SNX25: variants seen among roughly 807,000 people sequenced by gnomAD.
SNX25 encodes the protein sorting nexin-25.
A neutral mutation model predicts 113.7 loss-of-function variants in SNX25; 62 were observed. The ratio of observed to expected loss-of-function variants is 0.55; its 90% CI spans 0.44 to 0.67. The LOEUF is 0.67. SNX25 is among the 30% of genes least tolerant of loss of function. The probability of loss-of-function intolerance (pLI) is 0.00; values close to 1 mark genes in which losing one functional copy is unlikely to be tolerated. For missense variants in SNX25, 1,014 were observed against 1,161.0 expected (o/e 0.87, Z 1.84); for synonymous variants, 421 against 436.2 (o/e 0.97, Z 0.43).
intron 13 of SNX25, among the ~76,000 whole-genome samples, chr4:185,347,414 A>G (rs181475364): frequency 2.2e-4 from 34 of 151,982 alleles, no homozygotes; most frequent in Admixed American, 9.2e-4. Flanking sequence ...TGGGTGTAGT[A>G]GTATCTCATT....
intron 1 of SNX25, among the ~76,000 whole-genome samples, chr4:185,217,462 C>T (rs1398322947): frequency 6.6e-6 from 1 of 152,096 alleles, no homozygotes; most frequent in African/African-American, 2.4e-5. Context: ...AACCCCAAAC[C>T]AAAGGATCCC....
At chr4:185,228,868 T>C (rs1741402910) in intron 1 of SNX25, among the ~76,000 whole-genome samples, 1 of 152,194 alleles carries the variant, frequency 6.6e-6, no homozygotes, top group Admixed American at 6.5e-5. Context: ...GCTACTGTTA[T>C]CCCCATTGTA....
chr4:185,270,695 C>T (rs1748799703), intron 5 of SNX25, among the ~76,000 whole-genome samples: 2 of 152,226 alleles, frequency 1.3e-5, no homozygotes, highest in Admixed American at 1.3e-4. Context: ...CCTTCCCTCC[C>T]TCCAGCCCTT....
chr4:185,361,794 C>G, intron 16 of SNX25, 130 bp from the exon 17 acceptor site: 1 of 599,246 alleles, frequency 1.7e-6, no homozygotes, highest in Non-Finnish European at 2.6e-6. Context: ...TTTAAAAAAT[C>G]CAATTCCTAG....
At chr4:185,255,517 CCACCG>C (rs1342405393) in intron 2 of SNX25, among the ~76,000 whole-genome samples, 1 of 152,142 alleles carries the variant, frequency 6.6e-6, no homozygotes, top group East Asian at 1.9e-4. Flanking sequence ...CAAGTGTGAG[CCACCG>C]CACCTGGCCT....
Position 185,322,441 on chromosome 4 carries a change from G to A in SNX25, c.1477-1087G>A, listed in dbSNP as rs181031615. Among the ~76,000 whole-genome samples the A allele has an allele frequency of 2.0e-5, 3 of 152,252 alleles. No individual in the cohort carries two copies. The East Asian group carries it at 5.8e-4, about 29-fold the overall frequency. On this transcript the variant is annotated intron_variant, in intron 8 of 18. Coordinates refer to ENST00000652585, the MANE Select transcript of SNX25 (RefSeq NM_001378034.2). ...CAAGATTTGGTCTTGGGGAAGGTGGGGGGGAAGCACCAAGAGCATATTGTA... is the reference window on the plus strand; with the variant it reads ...CAAGATTTGGTCTTGGGGAAGGTGGAGGGGAAGCACCAAGAGCATATTGTA...
At chr4:185,211,796 G>T (rs1235693875) in intron 1 of SNX25, among the ~76,000 whole-genome samples, 1 of 152,154 alleles carries the variant, frequency 6.6e-6, no homozygotes, top group African/African-American at 2.4e-5. Context: ...AGAGGGTTAG[G>T]TCAAGATCAA....
intron 13 of SNX25, among the ~76,000 whole-genome samples, chr4:185,347,473 G>C (rs974290517): frequency 2.0e-5 from 3 of 151,552 alleles, no homozygotes; most frequent in African/African-American, 4.9e-5. Context: ...GTTTTGTTTT[G>C]TTTTGTTTTG....
chr4:185,378,073 A>G, the SNX25 span: 1 of 1,605,876 alleles, frequency 6.2e-7, no homozygotes, highest in East Asian at 2.2e-5. Context: ...AAATATCAGG[A>G]TTTGTACCAG....
Position 185,237,371 on chromosome 4 carries a change from A to T in SNX25, c.430-9923A>T, listed in dbSNP as rs533315705. On this transcript the variant is annotated intron_variant, in intron 1 of 18. Transcript: ENST00000652585. Reference sequence around the variant, plus strand: ...ACGTCACAGCAAAACATCTCCAGGGAATGTGCGCTTTCCTCTCTGTAAAGC... The same window carrying T: ...ACGTCACAGCAAAACATCTCCAGGGTATGTGCGCTTTCCTCTCTGTAAAGC... 2.6e-5 allele frequency among the ~76,000 whole-genome samples: 4 copies of T among 152,288 alleles called. No homozygotes were observed. In the South Asian group the frequency reaches 8.3e-4, roughly 32 times the overall value.
At chr4:185,214,479 A>T (rs1167827898) in intron 1 of SNX25, among the ~76,000 whole-genome samples, 1 of 151,786 alleles carries the variant, frequency 6.6e-6, no homozygotes, top group Non-Finnish European at 1.5e-5. Context: ...AGGCTGAGGC[A>T]GGAGGATCGC....
intron 8 of SNX25, among the ~76,000 whole-genome samples, chr4:185,321,419 C>T (rs902247595): frequency 6.6e-6 from 1 of 151,918 alleles, no homozygotes; most frequent in African/African-American, 2.4e-5. Flanking sequence ...TGTGCTACCA[C>T]ACCCAGCTAA....
chr4:185,326,601 G>A (rs563187364), intron 9 of SNX25, among the ~76,000 whole-genome samples: 26 of 152,118 alleles, frequency 1.7e-4, no homozygotes, highest in Non-Finnish European at 2.9e-4. Flanking sequence ...AATTATAGGC[G>A]TCTCCCAAAA....
intron 12 of SNX25, 101 bp downstream of exon 12, chr4:185,342,217 A>T: frequency 7.6e-7 from 1 of 1,319,974 alleles, no homozygotes; most frequent in Non-Finnish European, 1.0e-6. Flanking sequence ...TTTGCTGTTG[A>T]TACTGGCACA....
At chr4:185,238,628 A>G (rs536501168) in intron 1 of SNX25, among the ~76,000 whole-genome samples, 55 of 152,300 alleles carry the variant, frequency 3.6e-4, no homozygotes, top group African/African-American at 1.3e-3. Context: ...AGACTCAGCC[A>G]TGGGACGGCT....
At chr4:185,222,014 C>A (rs188996388) in intron 1 of SNX25, among the ~76,000 whole-genome samples, 1 of 144,646 alleles carries the variant, frequency 6.9e-6, no homozygotes, top group African/African-American at 2.6e-5. Flanking sequence ...ATATATAGCA[C>A]CATATATCCC....
At chr4:185,229,020 TC>T (rs1741424320) in intron 1 of SNX25, among the ~76,000 whole-genome samples, 1 of 152,126 alleles carries the variant, frequency 6.6e-6, no homozygotes, top group Admixed American at 6.5e-5. Flanking sequence ...AGAAGCAGCA[TC>T]GCAAAGGTAC....
At chr4:185,341,240 C>A (rs866814991) in intron 11 of SNX25, among the ~76,000 whole-genome samples, 2 of 152,228 alleles carry the variant, frequency 1.3e-5, no homozygotes, top group Non-Finnish European at 2.9e-5. Context: ...TGCACACATA[C>A]AATATCTCAG....
intron 13 of SNX25, among the ~76,000 whole-genome samples, chr4:185,348,078 C>T (rs561682764): frequency 1.3e-5 from 2 of 152,302 alleles, no homozygotes; most frequent in Admixed American, 1.3e-4. Context: ...TTATTATTTT[C>T]TATCAGTCTG....
Sources: allele counts gnomAD v4.1 joint callset (sites outside exome capture counted in the v4.1 genomes callset), GRCh38; gene constraint gnomAD v4.1.1; transcripts MANE v1.5; gene names NCBI Gene and HGNC (gene_info 2026-07-23, HGNC 2026-07-21).